Variants in IMMP2L observed in about 807,000 individuals in gnomAD.
IMMP2L encodes inner mitochondrial membrane peptidase subunit 2, also known as mitochondrial inner membrane protease subunit 2.
In IMMP2L, 18 loss-of-function variants were observed where a neutral mutation model predicts 19.3. That is an observed-to-expected ratio of 0.93 (90% CI 0.64 to 1.38). The LOEUF is 1.38. IMMP2L is among the 40% of genes most tolerant of loss of function. The pLI, the probability that IMMP2L is intolerant of heterozygous loss-of-function variation, is 0.00. For synonymous variants in IMMP2L, 76 were observed against 73.0 expected (o/e 1.04, Z -0.21); for missense variants, 233 against 218.2 (o/e 1.07, Z -0.43).
chr7:111,055,755 C>G (rs1793452285), intron 3 of IMMP2L, among the ~76,000 whole-genome samples: 1 of 152,148 alleles, frequency 6.6e-6, no homozygotes, highest in African/African-American at 2.4e-5. Context: ...TGAGGAAATT[C>G]AGGAGAAGGA....
intron 3 of IMMP2L, among the ~76,000 whole-genome samples, chr7:111,472,512 C>T (rs1841359467): frequency 6.6e-6 from 1 of 152,094 alleles, no homozygotes; most frequent in African/African-American, 2.4e-5. Flanking sequence ...AGACACTCAA[C>T]CATTATGTTG....
chr7:111,062,677 C>T lies in IMMP2L; in HGVS notation c.240-99112G>A, dbSNP rs1794130152. ...ATACAATGGCGGTACAGGCATTGGG[C>T]AAATACAGCTGTTCCAAATGGGGAA... On this transcript the variant is annotated intron_variant, in intron 3 of 5. Transcript: ENST00000405709. 1.3e-5 allele frequency among the ~76,000 whole-genome samples: 2 copies of T among 152,268 alleles called. 1 individual carries two copies. Among genetic ancestry groups the T allele is most frequent in the Middle Eastern group, 6.8e-3 (2 of 294 alleles).
chr7:110,795,168 C>A (rs1485409517), intron 5 of IMMP2L, among the ~76,000 whole-genome samples: 1 of 151,990 alleles, frequency 6.6e-6, no homozygotes, highest in Non-Finnish European at 1.5e-5. Context: ...TGATGGAGCC[C>A]CAAATGAAAT....
intron 3 of IMMP2L, among the ~76,000 whole-genome samples, chr7:111,016,805 TATACTATATATTATATATAA>T (rs1563162950): frequency 3.9e-5 from 2 of 51,738 alleles, no homozygotes; most frequent in Non-Finnish European, 7.7e-5. Context: ...ATATATAATA[TATACTATATATTATATATAA>T]TATATAGTAT....
chr7:110,766,973 G>A (rs567880501), intron 5 of IMMP2L, among the ~76,000 whole-genome samples: 34 of 152,166 alleles, frequency 2.2e-4, no homozygotes, highest in African/African-American at 7.5e-4. Context: ...TCCTGTCTGC[G>A]TGAGGGGAGA....
chr7:111,323,230 C>T (rs1415104041), intron 3 of IMMP2L, among the ~76,000 whole-genome samples: 1 of 151,700 alleles, frequency 6.6e-6, no homozygotes, highest in Non-Finnish European at 1.5e-5. Context: ...AAAATTTCTG[C>T]AATCTACTCA....
intron 3 of IMMP2L, among the ~76,000 whole-genome samples, chr7:111,202,799 G>T (rs1810287873): frequency 6.6e-6 from 1 of 152,174 alleles, no homozygotes; most frequent in Non-Finnish European, 1.5e-5. Context: ...AGTAGAAACA[G>T]AGATGAGTGT....
At chr7:111,466,472 A>C (rs1223698221) in intron 3 of IMMP2L, among the ~76,000 whole-genome samples, 1 of 152,168 alleles carries the variant, frequency 6.6e-6, no homozygotes, top group African/African-American at 2.4e-5. Flanking sequence ...ATAAACACAC[A>C]CAAAACTTAT....
chr7:111,139,008 T>A (rs1455848150), intron 3 of IMMP2L, among the ~76,000 whole-genome samples: 3 of 152,178 alleles, frequency 2.0e-5, no homozygotes, highest in African/African-American at 7.2e-5. Flanking sequence ...GTTGACATGA[T>A]CTTTTAAATC....
chr7:111,485,892 A>G (rs1177462587), intron 3 of IMMP2L, among the ~76,000 whole-genome samples: 1 of 152,104 alleles, frequency 6.6e-6, no homozygotes, highest in Non-Finnish European at 1.5e-5. Flanking sequence ...CGGGAAAAAA[A>G]AAATACTGCA....
chr7:110,971,508 A>C (rs1052803824), intron 3 of IMMP2L, among the ~76,000 whole-genome samples: 3 of 152,102 alleles, frequency 2.0e-5, no homozygotes, highest in Non-Finnish European at 4.4e-5. Context: ...GGTGTCCATC[A>C]AGGTGCAGGG....
At chr7:110,729,913 C>T (rs774771426) in intron 5 of IMMP2L, among the ~76,000 whole-genome samples, 1 of 147,822 alleles carries the variant, frequency 6.8e-6, no homozygotes, top group East Asian at 2.1e-4. Flanking sequence ...TACTCCAGAA[C>T]TTAAAATAAA....
Position 111,504,220 on chromosome 7 carries a change from A to G in IMMP2L, c.136-16879T>C, listed in dbSNP as rs1844631455. ...AAATCATGAGTGAACTACCATTCAC[A>G]ATTGCTTCAAAGAGAATAAAATACC... On this transcript the variant is annotated intron_variant, in intron 2 of 5. Transcript: ENST00000405709. Among the ~76,000 whole-genome samples the G allele has an allele frequency of 1.3e-5, 2 of 152,176 alleles. 1 individual carries two copies. The highest frequency in any genetic ancestry group is 2.9e-5 in the Non-Finnish European group (2 of 68,030).
At chr7:111,191,482 T>C (rs781494029) in intron 3 of IMMP2L, among the ~76,000 whole-genome samples, 1 of 145,090 alleles carries the variant, frequency 6.9e-6, no homozygotes, top group African/African-American at 2.6e-5. Context: ...ACAAAACTTA[T>C]ATGCTTTTAC....
intron 2 of IMMP2L, among the ~76,000 whole-genome samples, chr7:111,498,673 A>G (rs968268308): frequency 2.0e-5 from 3 of 152,188 alleles, no homozygotes; most frequent in African/African-American, 7.2e-5. Flanking sequence ...TGGTGTAGCA[A>G]TCTATTCACA....
chr7:111,140,437 C>T (rs1251110923), intron 3 of IMMP2L, among the ~76,000 whole-genome samples: 1 of 152,152 alleles, frequency 6.6e-6, no homozygotes, highest in African/African-American at 2.4e-5. Context: ...TTTCTGCATG[C>T]CCATTCAATC....
chr7:111,371,438 G>A (rs1830256020), intron 3 of IMMP2L, among the ~76,000 whole-genome samples: 1 of 152,018 alleles, frequency 6.6e-6, no homozygotes, highest in African/African-American at 2.4e-5. Context: ...CCCCTTAATG[G>A]CTGTGTGCTT....
chr7:111,212,994 C>A (rs76964355), intron 3 of IMMP2L, among the ~76,000 whole-genome samples: 2 of 152,316 alleles, frequency 1.3e-5, no homozygotes, highest in East Asian at 1.9e-4. Context: ...GTTTCCAGGA[C>A]TGCGCTCTCC....
At chr7:111,013,062 C>T (rs1173083849) in intron 3 of IMMP2L, among the ~76,000 whole-genome samples, 3 of 151,960 alleles carry the variant, frequency 2.0e-5, no homozygotes, top group Admixed American at 2.0e-4. Context: ...AATTCATGAA[C>T]CCCACAATCC....
Sources: gnomAD v4.1 joint callset for allele counts (sites outside exome capture counted in the v4.1 genomes callset) on GRCh38, gnomAD v4.1.1 for gene constraint, MANE v1.5 for transcripts, NCBI Gene and HGNC (gene_info 2026-07-23, HGNC 2026-07-21) for gene names.